The following C3orf70 variants were observed in gnomAD, a reference collection of about 807,000 sequenced individuals.
C3orf70 encodes the protein chromosome 3 open reading frame 70.
In C3orf70, 15 loss-of-function variants were observed where a neutral mutation model predicts 20.7. The ratio of observed to expected loss-of-function variants is 0.72; its 90% CI spans 0.48 to 1.11. The LOEUF is 1.11. C3orf70 is among the 50% of genes most tolerant of loss of function. The pLI, the probability that C3orf70 is intolerant of heterozygous loss-of-function variation, is 0.00. For missense variants in C3orf70, 332 were observed against 317.6 expected (o/e 1.05, Z -0.34); for synonymous variants, 161 against 125.7 (o/e 1.28, Z -1.88).
intron 1 of C3orf70, among the ~76,000 whole-genome samples, chr3:185,133,056 T>C (rs1272341591): frequency 1.3e-5 from 2 of 152,074 alleles, no homozygotes; most frequent in African/African-American, 2.4e-5. Flanking sequence ...TAAAGAACAG[T>C]TAAAAACAAA....
chr3:185,082,785 G>C lies in C3orf70; in HGVS notation c.*222C>G, dbSNP rs572830042. The C allele has an allele frequency of 3.3e-5, 17 of 517,524 alleles. No homozygotes were observed. Among genetic ancestry groups the C allele is most frequent in the Admixed American group, 2.1e-4 (6 of 28,932 alleles). 32.1% of individuals were successfully genotyped at this position (517,524 alleles called of 1,614,324 possible). On this transcript the variant is annotated 3_prime_UTR_variant, in exon 2 of 2. Transcript: ENST00000335012. The stretch of plus-strand genomic sequence containing the variant: ...AATTCATGACACCAGATGCTACATA[G>C]AAAGTAAGTCAGGATACAAAAGAAA...
chr3:185,139,893 T>A (rs1457070522), intron 1 of C3orf70, among the ~76,000 whole-genome samples: 2 of 152,226 alleles, frequency 1.3e-5, no homozygotes, highest in East Asian at 3.9e-4. Context: ...AATAAAAATA[T>A]TTGAAATCTC....
rs748269982 is a variant in C3orf70 at position 185,083,236 on chromosome 3, G to A, written c.524C>T (p.Thr175Ile). The stretch of plus-strand genomic sequence containing the variant: ...AGAAGAGCAGTGATCTATTTTTGGT[G>A]TATTGCTCTCTTTTGAAATTAAGGC... ...HDALISKESN[T>I]PKIDHCSSPS... Residue 175 changes from threonine to isoleucine, a missense_variant, in exon 2 of 2, where the codon ACA becomes ATA. Coordinates refer to ENST00000335012, the MANE Select transcript of C3orf70 (RefSeq NM_001025266.3). The A allele has an allele frequency of 7.1e-5, 114 of 1,614,042 alleles. No individual in the cohort carries two copies. Among genetic ancestry groups the A allele is most frequent in the Non-Finnish European group, 1.0e-5 (12 of 1,180,044 alleles).
rs1486509688 is a variant in C3orf70, at chr3:185,152,564, C to A, written c.196+64G>T. ...CGGCCGCAGAGTTCCGGCAGCGACC[C>A]CGGACGGCCCGGCGGGCGTCCCCCG... On this transcript the variant is annotated intron_variant, in intron 1 of 1. Transcript: ENST00000335012. 2.8e-6 allele frequency: 4 copies of A among 1,451,972 alleles called. No homozygotes were observed. In the South Asian group the frequency reaches 3.9e-5, roughly 14 times the overall value. 89.9% of individuals were successfully genotyped at this position (1,451,972 alleles called of 1,614,324 possible). A position where few individuals can be genotyped will look rare whatever the true frequency, so the allele number is the denominator to read the frequency against.
chr3:185,131,614 G>A (rs1716525243), intron 1 of C3orf70, among the ~76,000 whole-genome samples: 1 of 152,078 alleles, frequency 6.6e-6, no homozygotes, highest in Non-Finnish European at 1.5e-5. Flanking sequence ...TAATCCTTCT[G>A]CAACTGAGAA....
At chr3:185,110,330 C>G (rs1395625553) in intron 1 of C3orf70, among the ~76,000 whole-genome samples, 1 of 152,220 alleles carries the variant, frequency 6.6e-6, no homozygotes, top group African/African-American at 2.4e-5. Flanking sequence ...CTTGAAGGAG[C>G]TGCAGACAAA....
chr3:185,087,912 CATT>C (rs1715489768), intron 1 of C3orf70, among the ~76,000 whole-genome samples: 1 of 114,528 alleles, frequency 8.7e-6, no homozygotes, highest in Non-Finnish European at 1.8e-5. Context: ...TAGTTTTATA[CATT>C]TTTTTTTTTT....
intron 1 of C3orf70, among the ~76,000 whole-genome samples, chr3:185,147,330 T>G (rs906204135): frequency 1.3e-5 from 2 of 152,206 alleles, no homozygotes; most frequent in African/African-American, 4.8e-5. Context: ...TTCTAATTAC[T>G]TTCTCTTCCT....
chr3:185,120,714 T>TAAA (rs565950615), intron 1 of C3orf70, among the ~76,000 whole-genome samples: 1,100 of 72,760 alleles, frequency 0.015, 17 homozygotes, highest in African/African-American at 0.046. Context: ...AATCCAAAAC[T>TAAA]AAAAAAAAAA....
intron 1 of C3orf70, among the ~76,000 whole-genome samples, chr3:185,120,033 A>AAAGAAAAGAAAAAGAAAG (rs1553920938): frequency 5.0e-5 from 5 of 100,784 alleles, no homozygotes; most frequent in African/African-American, 1.4e-4. Flanking sequence ...AAAAAAAAAA[A>AAAGAAAAGAAAAAGAAAG]AAAAAGAAAA....
intron 1 of C3orf70, among the ~76,000 whole-genome samples, chr3:185,131,589 A>G (rs1298179267): frequency 6.6e-6 from 1 of 152,242 alleles, no homozygotes; most frequent in East Asian, 1.9e-4. Flanking sequence ...CAAATGGTAT[A>G]CCAGGCAACC....
At chr3:185,129,528 T>C (rs541398422) in intron 1 of C3orf70, among the ~76,000 whole-genome samples, 2 of 152,364 alleles carry the variant, frequency 1.3e-5, no homozygotes, top group East Asian at 1.9e-4. Flanking sequence ...AATAGTGCTG[T>C]GGTGATCACA....
In C3orf70 at chr3:185,081,717, T is replaced by G; in HGVS notation, c.*1290A>C. The G allele has an allele frequency of 6.5e-6, 1 of 152,672 alleles. No individual in the cohort carries two copies. Among genetic ancestry groups the G allele is most frequent in the East Asian group, 1.9e-4 (1 of 5,204 alleles). The allele number at this position is 152,672 out of a possible 1,614,324, so 9.5% of individuals were successfully genotyped here. On this transcript the variant is annotated 3_prime_UTR_variant, in exon 2 of 2. Transcript: ENST00000335012. ...AATAAGAAAGAATTAGTCACTATTT[T>G]GTGCATGTGAGGGGAGAGAACACAT...
chr3:185,112,533 C>T (rs974859077), intron 1 of C3orf70, among the ~76,000 whole-genome samples: 1 of 152,184 alleles, frequency 6.6e-6, no homozygotes, highest in Non-Finnish European at 1.5e-5. Flanking sequence ...AGTTTTTCAA[C>T]AAATCATATC....
At chr3:185,129,549 T>C (rs1018407217) in intron 1 of C3orf70, among the ~76,000 whole-genome samples, 3 of 152,194 alleles carry the variant, frequency 2.0e-5, no homozygotes, top group African/African-American at 7.2e-5. Context: ...CGAGTGCATA[T>C]GTCTTTTTTC....
At chr3:185,134,447 G>A (rs1354696230) in intron 1 of C3orf70, among the ~76,000 whole-genome samples, 2 of 152,122 alleles carry the variant, frequency 1.3e-5, no homozygotes, top group Middle Eastern at 3.2e-3. Flanking sequence ...TAGGAACCTC[G>A]GGGCCCAAGC....
intron 1 of C3orf70, among the ~76,000 whole-genome samples, chr3:185,144,725 G>GA (rs1553922159): frequency 2.0e-5 from 3 of 151,964 alleles, no homozygotes; most frequent in Non-Finnish European, 4.4e-5. Context: ...GCCTGCCTTG[G>GA]CTCTCAAAGT....
rs1716997221 is a variant in C3orf70 at position 185,152,026 on chromosome 3, T to C, written c.196+602A>G. On this transcript the variant is annotated intron_variant, in intron 1 of 1. Transcript: ENST00000335012. ...GTCTCATTTATTTGGCTCTAAATTCTACATCTGGGTATTTAAGGAGCTCGA... is the reference window on the plus strand; with the variant it reads ...GTCTCATTTATTTGGCTCTAAATTCCACATCTGGGTATTTAAGGAGCTCGA... 1.3e-5 allele frequency among the ~76,000 whole-genome samples: 2 copies of C among 152,368 alleles called. 1 individual carries two copies. Among genetic ancestry groups the C allele is most frequent in the East Asian group, 3.9e-4 (2 of 5,194 alleles).
At chr3:185,150,838 A>G (rs1430470661) in intron 1 of C3orf70, among the ~76,000 whole-genome samples, 1 of 152,250 alleles carries the variant, frequency 6.6e-6, no homozygotes, top group African/African-American at 2.4e-5. Context: ...CCATAAAAGG[A>G]AAGGCAGAAG....
Sources: gnomAD v4.1 joint callset for allele counts (sites outside exome capture counted in the v4.1 genomes callset) on GRCh38, gnomAD v4.1.1 for gene constraint, MANE v1.5 for transcripts, NCBI Gene and HGNC (gene_info 2026-07-23, HGNC 2026-07-21) for gene names.